SEMA3A: variants seen among roughly 807,000 people sequenced by gnomAD.
SEMA3A encodes the protein semaphorin-3A.
In SEMA3A, 29 loss-of-function variants were observed where a neutral mutation model predicts 97.9. That is an observed-to-expected ratio of 0.30 (90% CI 0.22 to 0.40). SEMA3A has a LOEUF of 0.40. SEMA3A is among the 10% of genes least tolerant of loss of function. SEMA3A has a pLI of 1.00. For synonymous variants in SEMA3A, 321 were observed against 323.7 expected, an observed-to-expected ratio of 0.99 and a Z score of 0.09; for missense variants, 763 against 951.3, an observed-to-expected ratio of 0.80 and a Z score of 2.60.
intron 2 of SEMA3A, among the ~76,000 whole-genome samples, chr7:84,353,510 AT>A (rs925349513): frequency 6.6e-6 from 1 of 151,748 alleles, no homozygotes; most frequent in Non-Finnish European, 1.5e-5. Flanking sequence ...GAAATAAAGT[AT>A]TTTGGGGTAT....
rs114603368 is a variant in SEMA3A at position 84,246,780 on chromosome 7, T to C, written c.-82-52112A>G. On this transcript the variant is annotated intron_variant, in intron 3 of 3. Transcript: ENST00000424555. ...ATACATGTACAAGGAACTATAAGTG[T>C]GTGTTTTTGGCTCTGTAATTTAACT... Among the ~76,000 whole-genome samples, 728 of 152,176 alleles carry C rather than the reference T, an allele frequency of 4.8e-3. 9 individuals carry two copies. Among genetic ancestry groups the C allele is most frequent in the African/African-American group, 0.017 (691 of 41,526 alleles).
intron 3 of SEMA3A, among the ~76,000 whole-genome samples, chr7:84,278,894 A>G (rs141538382): frequency 7.8e-4 from 118 of 152,232 alleles, no homozygotes; most frequent in African/African-American, 2.6e-3. Flanking sequence ...TATCCAAACC[A>G]TATCACATGT....
intron 3 of SEMA3A, among the ~76,000 whole-genome samples, chr7:84,218,389 T>C (rs1171706288): frequency 1.3e-5 from 2 of 152,144 alleles, no homozygotes; most frequent in Non-Finnish European, 2.9e-5. Flanking sequence ...ATTCTTAGAC[T>C]TCCCATGAAT....
chr7:84,103,316 C>T (rs1795011347), intron 4 of SEMA3A, among the ~76,000 whole-genome samples: 1 of 152,014 alleles, frequency 6.6e-6, no homozygotes, highest in East Asian at 1.9e-4. Flanking sequence ...TTGTTTCTTT[C>T]TCATTAGCCC....
intron 2 of SEMA3A, among the ~76,000 whole-genome samples, chr7:84,321,203 T>C (rs1016937895): frequency 6.6e-6 from 1 of 152,216 alleles, no homozygotes; most frequent in Non-Finnish European, 1.5e-5. Context: ...CATGTCATAA[T>C]CATTAGTTCT....
intron 14 of SEMA3A, among the ~76,000 whole-genome samples, chr7:83,979,335 T>A (rs1789299444): frequency 6.6e-6 from 1 of 152,154 alleles, no homozygotes; most frequent in Non-Finnish European, 1.5e-5. Context: ...GGTTTCACCA[T>A]GCTGGCCAGG....
At chr7:84,197,804 A>G (rs544249034), upstream of SEMA3A, among the ~76,000 whole-genome samples, 4 of 130,894 alleles carry the variant, frequency 3.1e-5, no homozygotes, top group Admixed American at 4.0e-4. Context: ...CAGTGGCGCG[A>G]TCTCGGCTTA....
chr7:84,160,212 ACTATCAATCTGT>A (rs1562821853), intron 1 of SEMA3A, among the ~76,000 whole-genome samples: 1 of 150,094 alleles, frequency 6.7e-6, no homozygotes, highest in East Asian at 2.0e-4. Context: ...ATTAAAAAAA[ACTATCAATCTGT>A]CTATCTATCT....
intron 2 of SEMA3A, among the ~76,000 whole-genome samples, chr7:84,317,803 T>C (rs1801544480): frequency 6.6e-6 from 1 of 152,184 alleles, no homozygotes. Flanking sequence ...AAAATGAAAC[T>C]ACTTTAGGAA....
chr7:83,976,441 C>A (rs1433807003), intron 15 of SEMA3A, among the ~76,000 whole-genome samples: 1 of 151,966 alleles, frequency 6.6e-6, no homozygotes, highest in African/African-American at 2.4e-5. Flanking sequence ...GAAGCATAAC[C>A]TCATTATTAT....
chr7:84,031,871 A>T (rs1039039984), intron 6 of SEMA3A, among the ~76,000 whole-genome samples: 2 of 152,156 alleles, frequency 1.3e-5, no homozygotes, highest in African/African-American at 4.8e-5. Context: ...GTGTCCTAAA[A>T]TATAAGCAGA....
intron 4 of SEMA3A, among the ~76,000 whole-genome samples, chr7:84,097,863 A>G (rs1441691221): frequency 6.6e-6 from 1 of 152,098 alleles, no homozygotes; most frequent in Non-Finnish European, 1.5e-5. Context: ...TTTTTAAAGC[A>G]ATGATTAAAG....
chr7:84,237,169 G>A (rs1388294610), intron 3 of SEMA3A, among the ~76,000 whole-genome samples: 1 of 152,040 alleles, frequency 6.6e-6, no homozygotes, highest in Admixed American at 6.6e-5. Flanking sequence ...AACTGATGAT[G>A]CTGAAAACAA....
chr7:84,086,280 C>T (rs1351257094), intron 4 of SEMA3A, among the ~76,000 whole-genome samples: 1 of 151,624 alleles, frequency 6.6e-6, no homozygotes, highest in Admixed American at 6.6e-5. Flanking sequence ...GTTCCTACAA[C>T]AGTCTCTAGA....
chr7:84,255,825 A>C (rs889829109), intron 3 of SEMA3A, among the ~76,000 whole-genome samples: 8 of 151,996 alleles, frequency 5.3e-5, no homozygotes, highest in Admixed American at 3.9e-4. Flanking sequence ...CCTTTAAACA[A>C]TTGCCAACTG....
intron 2 of SEMA3A, among the ~76,000 whole-genome samples, chr7:84,321,801 G>GGGAGGCA (rs1801651677): frequency 6.7e-6 from 1 of 149,198 alleles, no homozygotes; most frequent in African/African-American, 2.5e-5. Context: ...GTGTGAACCG[G>GGGAGGCA]GGAGGCAGGG....
chr7:84,251,995 G>A (rs540933115), intron 3 of SEMA3A, among the ~76,000 whole-genome samples: 2 of 152,232 alleles, frequency 1.3e-5, no homozygotes, highest in Admixed American at 1.3e-4. Flanking sequence ...AAAACCACAA[G>A]AATAATATGG....
chr7:84,306,579 C>T (rs930187936), intron 3 of SEMA3A: 3 of 152,078 alleles, frequency 2.0e-5, no homozygotes, highest in African/African-American at 7.2e-5. Flanking sequence ...AATTTTCTTC[C>T]TACTTTATAC....
At chr7:84,151,325 G>T (rs1421592721) in intron 1 of SEMA3A, among the ~76,000 whole-genome samples, 2 of 151,192 alleles carry the variant, frequency 1.3e-5, no homozygotes, top group Admixed American at 1.3e-4. Context: ...CAAAGGCAAA[G>T]AAATTGAAAA....
Sources: allele counts gnomAD v4.1 joint callset (sites outside exome capture counted in the v4.1 genomes callset), GRCh38; gene constraint gnomAD v4.1.1; transcripts MANE v1.5; gene names NCBI Gene and HGNC (gene_info 2026-07-23, HGNC 2026-07-21).